Variants in CD109 observed in about 807,000 individuals in gnomAD.
CD109 encodes the protein CD109 molecule, also known as CD109 antigen.
A neutral mutation model predicts 165.8 loss-of-function variants in CD109; 149 were observed. The observed-to-expected ratio is 0.90, with a 90% confidence interval of 0.79 to 1.03. The LOEUF is 1.03. CD109 is among the 50% of genes least tolerant of loss of function. The pLI, the probability that CD109 is intolerant of heterozygous loss-of-function variation, is 0.00. For synonymous variants in CD109, 585 were observed against 592.1 expected, an observed-to-expected ratio of 0.99 and a Z score of 0.18; for missense variants, 1,712 against 1,677.8, an observed-to-expected ratio of 1.02 and a Z score of -0.36.
chr6:73,779,808 T>C (rs1336294128), intron 15 of CD109, among the ~76,000 whole-genome samples: 1 of 152,066 alleles, frequency 6.6e-6, no homozygotes, highest in Non-Finnish European at 1.5e-5. Context: ...AGTTTTACTC[T>C]TTTAGCCTGT....
chr6:73,698,096 A>C (rs1770923984), intron 2 of CD109, among the ~76,000 whole-genome samples: 1 of 152,344 alleles, frequency 6.6e-6, no homozygotes, highest in Non-Finnish European at 1.5e-5. Flanking sequence ...GTTTTATGGA[A>C]TATTTCTTAA....
At chr6:73,729,287 G>A (rs950237199) in intron 3 of CD109, among the ~76,000 whole-genome samples, 4 of 152,106 alleles carry the variant, frequency 2.6e-5, no homozygotes, top group Non-Finnish European at 5.9e-5. Flanking sequence ...CTTTTGAAGG[G>A]ACTAAAGTCA....
chr6:73,696,834 C>T (rs139249486), intron 1 of CD109, among the ~76,000 whole-genome samples: 2 of 152,282 alleles, frequency 1.3e-5, no homozygotes, highest in African/African-American at 2.4e-5. Flanking sequence ...GCTTTAGTGA[C>T]TTCTTTTATG....
Position 73,815,128 on chromosome 6 carries a change from G to A in CD109, c.3911+5G>A, listed in dbSNP as rs41266755. On this transcript the variant is annotated splice_donor_5th_base_variant and intron_variant, in intron 30 of 32. Coordinates refer to ENST00000287097, the MANE Select transcript of CD109 (RefSeq NM_133493.5). ...GGATTTGAATGTGTGTACAAGGTAAGTGTCTGCTTAGGTCTCTCTTCTTTT... is the reference window on the plus strand; with the variant it reads ...GGATTTGAATGTGTGTACAAGGTAAATGTCTGCTTAGGTCTCTCTTCTTTT... 8.4e-3 allele frequency: 13,116 copies of A among 1,568,658 alleles called. 78 individuals are homozygous for A. The highest frequency in any genetic ancestry group is 0.01 in the Non-Finnish European group (12,094 of 1,165,416).
chr6:73,820,051 C>T (rs922713538), intron 31 of CD109, among the ~76,000 whole-genome samples: 1 of 152,142 alleles, frequency 6.6e-6, no homozygotes, highest in Non-Finnish European at 1.5e-5. Context: ...TGGAGTACAG[C>T]CCCATCTTAG....
At chr6:73,756,615 T>G in intron 5 of CD109, 28 bp from the exon 6 acceptor site, 3 of 1,487,120 alleles carry the variant, frequency 2.0e-6, no homozygotes, top group Non-Finnish European at 2.7e-6. Context: ...TATACTTTCC[T>G]GTCTTTTTTT....
At chr6:73,781,155 T>A in intron 16 of CD109, 104 bp from the exon 17 acceptor site, 1 of 859,946 alleles carries the variant, frequency 1.2e-6, no homozygotes, top group Non-Finnish European at 1.9e-6. Context: ...ACCTAAGCTC[T>A]CAAAAATGAG....
chr6:73,687,250 A>G, the CD109 span, among the ~76,000 whole-genome samples: 1 of 152,134 alleles, frequency 6.6e-6, no homozygotes, highest in Admixed American at 6.6e-5. Flanking sequence ...GATAAAGGTT[A>G]ATTCTTTACC....
intron 32 of CD109, 103 bp downstream of exon 32, chr6:73,820,666 G>C (rs1456888830): frequency 1.2e-5 from 7 of 601,364 alleles, no homozygotes; most frequent in Non-Finnish European, 2.0e-5. Context: ...GCGAGGGCAG[G>C]ATTTGGTAGG....
intron 24 of CD109, among the ~76,000 whole-genome samples, chr6:73,806,019 C>G (rs1775548318): frequency 6.6e-6 from 1 of 152,148 alleles, no homozygotes; most frequent in Admixed American, 6.5e-5. Flanking sequence ...TGGGTATATA[C>G]CCAAAGGATT....
At chr6:73,749,525 T>C (rs1773108227) in intron 5 of CD109, among the ~76,000 whole-genome samples, 1 of 152,088 alleles carries the variant, frequency 6.6e-6, no homozygotes, top group African/African-American at 2.4e-5. Context: ...GTGGAGGATA[T>C]TGGCTATCAG....
chr6:73,750,969 T>C (rs149955666), intron 5 of CD109, among the ~76,000 whole-genome samples: 194 of 152,318 alleles, frequency 1.3e-3, no homozygotes, highest in African/African-American at 4.4e-3. Context: ...ACAGTCTACA[T>C]TCAGTAATTA....
At chr6:73,711,066 C>T (rs1051890204) in intron 2 of CD109, among the ~76,000 whole-genome samples, 3 of 152,298 alleles carry the variant, frequency 2.0e-5, no homozygotes, top group Admixed American at 6.5e-5. Flanking sequence ...AAAAAACAGG[C>T]GTGGGCCAGA....
At chr6:73,781,128 T>C in intron 16 of CD109, 131 bp from the exon 17 acceptor site, 1 of 639,150 alleles carries the variant, frequency 1.6e-6, no homozygotes, top group South Asian at 1.9e-5. Flanking sequence ...AAAGGTTGAA[T>C]GTATGTGCAT....
intron 2 of CD109, among the ~76,000 whole-genome samples, chr6:73,709,217 A>G (rs1330039913): frequency 1.3e-5 from 2 of 152,138 alleles, no homozygotes; most frequent in African/African-American, 2.4e-5. Context: ...CTTTCTACAT[A>G]TGGCTAGCCA....
In CD109 at chr6:73,766,112, T is replaced by A; in HGVS notation, c.1290T>A (p.Ile430=). ...YTVPQSGTFK[I]EFPILEDSSE... is the part of the protein sequence containing the mutation. ...TCCCCCAAAGTGGAACTTTTAAGAT[T>A]GAATTCCCAATCCTGGAGGATTCCA... The change falls in exon 11 of 33, where the codon ATT becomes ATA. Residue 430 remains isoleucine (I), a synonymous_variant. Coordinates refer to ENST00000287097, the MANE Select transcript of CD109 (RefSeq NM_133493.5). 1 of 1,614,090 alleles carries A rather than the reference T, an allele frequency of 6.2e-7. No individual in the cohort carries two copies. Among genetic ancestry groups the A allele is most frequent in the Non-Finnish European group, 8.5e-7 (1 of 1,179,968 alleles).
At chr6:73,703,734 G>T (rs1771161489) in intron 2 of CD109, among the ~76,000 whole-genome samples, 1 of 151,152 alleles carries the variant, frequency 6.6e-6, no homozygotes, top group Non-Finnish European at 1.5e-5. Context: ...AGGTGGAGTT[G>T]CTCTTTATGC....
intron 2 of CD109, among the ~76,000 whole-genome samples, chr6:73,708,104 G>A (rs767840882): frequency 1.3e-5 from 2 of 151,150 alleles, no homozygotes; most frequent in African/African-American, 2.4e-5. Context: ...ACCCATTAAC[G>A]CGTCACTTAC....
At position 73,765,963 on chromosome 6, in the gene CD109, A is replaced by T. The variant is rs185952786; in HGVS notation, c.1141A>T (p.Thr381Ser). Residue 381 changes from threonine (T) to serine (S), a missense_variant, in exon 11 of 33, where the codon ACT (threonine) becomes TCT (serine). Thr to Ser is a moderately conservative substitution (Grantham distance 58). Coordinates refer to ENST00000287097, the MANE Select transcript of CD109 (RefSeq NM_133493.5). ...KVTRADGNQL[T>S]LEERRNNVVI... The stretch of plus-strand genomic sequence containing the variant: ...AACTCGTGCTGATGGCAACCAACTG[A>T]CTCTTGAAGAAAGAAGAAATAATGT... 2.9e-5 allele frequency: 47 copies of T among 1,614,030 alleles called. 1 individual carries two copies. The Admixed American group carries it at 6.8e-4, about 23-fold the overall frequency.
Sources: gnomAD v4.1 joint callset for allele counts (sites outside exome capture counted in the v4.1 genomes callset) on GRCh38, gnomAD v4.1.1 for gene constraint, MANE v1.5 for transcripts, NCBI Gene and HGNC (gene_info 2026-07-23, HGNC 2026-07-21) for gene names.